The following ARHGEF10 variants were observed in gnomAD, a reference collection of about 807,000 sequenced individuals.
The protein encoded by ARHGEF10 is Rho guanine nucleotide exchange factor (GEF) 10.
A neutral mutation model predicts 147.4 loss-of-function variants in ARHGEF10; 140 were observed. The observed-to-expected ratio is 0.95, with a 90% confidence interval of 0.83 to 1.09. ARHGEF10 has a LOEUF of 1.09. Ranked by LOEUF, ARHGEF10 falls within the 50% of genes least tolerant of loss-of-function variation. ARHGEF10 has a pLI of 0.00. For missense variants in ARHGEF10, 2,222 were observed against 1,752.7 expected, an observed-to-expected ratio of 1.27 and a Z score of -4.78; for synonymous variants, 902 against 695.8, an observed-to-expected ratio of 1.30 and a Z score of -4.67.
At chr8:1,909,868 C>T (rs1398570301) in intron 18 of ARHGEF10, among the ~76,000 whole-genome samples, 2 of 152,166 alleles carry the variant, frequency 1.3e-5, no homozygotes, top group African/African-American at 4.8e-5. Flanking sequence ...TCCAGCTCGG[C>T]TCTTTGCTCA....
Position 1,896,338 on chromosome 8 carries a change from T to G in ARHGEF10, c.1446T>G (p.Ser482=), listed in dbSNP as rs778958747. 7.4e-6 allele frequency: 12 copies of G among 1,612,644 alleles called. No individual in the cohort carries two copies. The highest frequency in any genetic ancestry group is 1.7e-5 in the Admixed American group (1 of 60,006). The stretch of plus-strand genomic sequence containing the variant: ...AATTTCCTCCTGTGTTTCAGTTTTC[T>G]AAGTCCATGGTGCTGGATGCATACA... The part of the protein sequence containing the change: ...MIGDVFVASF[S]KSMVLDAYSE... Residue 482 remains serine (S), a synonymous_variant, in exon 14 of 29, where the codon TCT becomes TCG. Transcript: ENST00000349830.
chr8:1,928,535 C>A lies in ARHGEF10; in HGVS notation c.2806C>A (p.Leu936Met). The change falls in exon 24 of 29, where the codon CTG becomes ATG. Residue 936 changes from leucine (L) to methionine (M), a missense_variant. Transcript: ENST00000349830. ...FNVESRILCM[L>M]YVPVEEKRRE... ...CGTGGAATCTCGCATCCTGTGCATG[C>A]TGTACGTTCCCGTCGAGGAGAAGCG... 6.2e-7 allele frequency: 1 copy of A among 1,614,244 alleles called. No homozygotes were observed. The highest frequency in any genetic ancestry group is 1.6e-4 in the Middle Eastern group (1 of 6,062).
At chr8:1,905,889 G>A (rs953557620) in intron 17 of ARHGEF10, among the ~76,000 whole-genome samples, 173 bp downstream of exon 17, 1 of 152,160 alleles carries the variant, frequency 6.6e-6, no homozygotes, top group Non-Finnish European at 1.5e-5. Context: ...TTTTTAAATA[G>A]ATTCAGTGTA....
rs976456940 is a variant in ARHGEF10 at position 1,937,039 on chromosome 8, C to T, written c.3222+3097C>T. On this transcript the variant is annotated intron_variant, in intron 26 of 28. Transcript: ENST00000349830. This position sits in a 1 kb window ranked among gnomAD's most constrained non-coding sequence, Gnocchi z 4.9. ...ACGCTCTGCCGTGGATCATGAATAGCATTCCCGCGTGAGTCTTTTTTTGAC... is the reference window on the plus strand; with the variant it reads ...ACGCTCTGCCGTGGATCATGAATAGTATTCCCGCGTGAGTCTTTTTTTGAC... Among the ~76,000 whole-genome samples the T allele has an allele frequency of 3.3e-5, 5 of 152,222 alleles. No homozygotes were observed. Among genetic ancestry groups the T allele is most frequent in the Admixed American group, 3.3e-4 (5 of 15,278 alleles).
Position 1,876,691 on chromosome 8 carries a change from A to C in ARHGEF10, c.800A>C (p.Asn267Thr). 6.2e-7 allele frequency: 1 copy of C among 1,614,228 alleles called. No individual in the cohort carries two copies. Among genetic ancestry groups the C allele is most frequent in the Non-Finnish European group, 8.5e-7 (1 of 1,180,042 alleles). The change falls in exon 8 of 29, where the codon AAT (asparagine) becomes ACT (threonine). Residue 267 changes from asparagine to threonine, a missense_variant. Asn to Thr is a moderately conservative substitution (Grantham distance 65). Coordinates refer to ENST00000349830, the MANE Select transcript of ARHGEF10 (RefSeq NM_014629.4). ...YEEQSDSECK[N>T]GIPRSFLRSN... is the part of the protein sequence containing the mutation. ...GAGCAGAGTGACTCGGAGTGCAAGA[A>C]TGGGATTCCCAGGTCCTTCCTGCGC...
chr8:1,847,575 C>A (rs1444201679), intron 2 of ARHGEF10, among the ~76,000 whole-genome samples: 1 of 151,982 alleles, frequency 6.6e-6, no homozygotes, highest in Non-Finnish European at 1.5e-5. Context: ...GGCATCGTCT[C>A]TGGGGGCAGC....
intron 1 of ARHGEF10, among the ~76,000 whole-genome samples, chr8:1,827,751 G>A (rs1182057258): frequency 6.6e-6 from 1 of 152,196 alleles, no homozygotes; most frequent in Non-Finnish European, 1.5e-5. Context: ...TTTGTTAAAT[G>A]ATGTGAAAAA....
rs546594644 is a variant in ARHGEF10 at position 1,848,734 on chromosome 8, C to T, written c.37+5298C>T. Among the ~76,000 whole-genome samples the T allele has an allele frequency of 2.8e-4, 42 of 152,228 alleles. 1 individual carries two copies. Among genetic ancestry groups the T allele is most frequent in the Admixed American group, 2.4e-3 (36 of 15,284 alleles). On this transcript the variant is annotated intron_variant, in intron 2 of 28. Transcript: ENST00000349830. The stretch of plus-strand genomic sequence containing the variant: ...ATACTTCACCTCTGGGAGATTAGTA[C>T]TGTTAAAATTTTATTGAATATTCTT...
chr8:1,894,534 G>T lies in ARHGEF10; in HGVS notation c.1402G>T (p.Asp468Tyr). 6.2e-7 allele frequency: 1 copy of T among 1,614,174 alleles called. No individual in the cohort carries two copies. The highest frequency in any genetic ancestry group is 8.5e-7 in the Non-Finnish European group (1 of 1,180,028). The change falls in exon 13 of 29, where the codon GAC (aspartate) becomes TAC (tyrosine). Residue 468 changes from aspartate to tyrosine, a missense_variant. Physicochemically the swap from Asp to Tyr is radical, Grantham distance 160. Coordinates refer to ENST00000349830, the MANE Select transcript of ARHGEF10 (RefSeq NM_014629.4). ...IALASRVSEW[D>Y]SVEMIGDVFV... The stretch of plus-strand genomic sequence containing the variant: ...GCTGGCCAGCCGCGTTTCCGAGTGG[G>T]ACTCCGTGGAAATGATAGGCGATGT...
In ARHGEF10 at chr8:1,924,186, AGGCGGGC is replaced by A. The variant is rs563442265; in HGVS notation, c.2488+325_2488+331del. On this transcript the variant is annotated intron_variant, in intron 21 of 28. Coordinates refer to ENST00000349830, the MANE Select transcript of ARHGEF10 (RefSeq NM_014629.4). ...AGCCTGGCCGTGAGCCAGGTGCTCA[AGGCGGGC>A]GGCGGGCGGCGGCCTTCAAATGGCA... Among the ~76,000 whole-genome samples, 1,004 of 152,308 alleles carry A rather than the reference AGGCGGGC, an allele frequency of 6.6e-3. 5 individuals are homozygous for A. The highest frequency in any genetic ancestry group is 0.011 in the Non-Finnish European group (736 of 68,012).
Position 1,857,966 on chromosome 8 carries a change from A to G in ARHGEF10, c.44A>G (p.Glu15Gly), listed in dbSNP as rs1805703380. The change falls in exon 3 of 29, where the codon GAA (glutamate) becomes GGA (glycine). Residue 15 changes from glutamate to glycine, a missense_variant. Physicochemically the swap from Glu to Gly is moderately conservative, Grantham distance 98. Transcript: ENST00000349830. The part of the protein sequence containing the change: ...EPLPPAPAEN[E>G]MKYDTNNNEE... ...TTTTGGTTTTTCTTTTTAGAAAATG[A>G]AATGAAATATGATACCAATAATAAT... 6.2e-7 allele frequency: 1 copy of G among 1,613,868 alleles called. No homozygotes were observed. Among genetic ancestry groups the G allele is most frequent in the African/African-American group, 1.3e-5 (1 of 75,000 alleles).
chr8:1,861,201 G>T (rs1806102005), intron 4 of ARHGEF10, among the ~76,000 whole-genome samples: 1 of 152,244 alleles, frequency 6.6e-6, no homozygotes, highest in African/African-American at 2.4e-5. Context: ...TCTAGAAGGG[G>T]CTTGGTTGGT....
intron 26 of ARHGEF10, among the ~76,000 whole-genome samples, chr8:1,935,215 C>A (rs1813480749): frequency 6.6e-6 from 1 of 152,018 alleles, no homozygotes; most frequent in Non-Finnish European, 1.5e-5. Flanking sequence ...ACGCACACCC[C>A]CCACAACCCC....
rs1400226413 is a variant in ARHGEF10, at chr8:1,918,287, G to T, written c.2144-4677G>T. ...CTCAGGTTGCTCTGTGGTGTCATCT[G>T]TGCCCTGAGGTGCCCTATTATGAAC... On this transcript the variant is annotated intron_variant, in intron 18 of 28. Coordinates refer to ENST00000349830, the MANE Select transcript of ARHGEF10 (RefSeq NM_014629.4). Among the ~76,000 whole-genome samples, 4 of 152,240 alleles carry T rather than the reference G, an allele frequency of 2.6e-5. No homozygotes were observed. The Middle Eastern group carries it at 0.01, about 388-fold the overall frequency.
At chr8:1,850,796 C>G (rs951358146) in intron 2 of ARHGEF10, among the ~76,000 whole-genome samples, 2 of 152,130 alleles carry the variant, frequency 1.3e-5, no homozygotes, top group Non-Finnish European at 2.9e-5. Flanking sequence ...CAGAAGCAGC[C>G]ATGATGTCCT....
intron 27 of ARHGEF10, among the ~76,000 whole-genome samples, chr8:1,951,818 A>G (rs561287021): frequency 6.6e-6 from 1 of 152,022 alleles, no homozygotes; most frequent in Non-Finnish European, 1.5e-5. Flanking sequence ...GAATGATGTG[A>G]CAGTCCAGAC....
At chr8:1,894,751 A>G (rs1176925860) in intron 13 of ARHGEF10, among the ~76,000 whole-genome samples, 179 bp downstream of exon 13, 1 of 152,198 alleles carries the variant, frequency 6.6e-6, no homozygotes, top group Non-Finnish European at 1.5e-5. Flanking sequence ...GGAAATGATA[A>G]ATGGATCTTT....
chr8:1,888,014 T>C (rs1380174702), intron 11 of ARHGEF10, among the ~76,000 whole-genome samples: 2 of 146,434 alleles, frequency 1.4e-5, no homozygotes, highest in Admixed American at 1.4e-4. Flanking sequence ...GGGTGAGCTT[T>C]GTTAGGAGGC....
chr8:1,836,189 A>G (rs75723589), intron 1 of ARHGEF10, among the ~76,000 whole-genome samples: 13,913 of 151,698 alleles, frequency 0.092, 844 homozygotes, highest in East Asian at 0.17. Context: ...ATGGAAAAAA[A>G]AAAAAGAAAA....
Sources: gnomAD v4.1 joint callset for allele counts (sites outside exome capture counted in the v4.1 genomes callset) on GRCh38, gnomAD v4.1.1 for gene constraint, Gnocchi (gnomAD v3.1) non-coding constraint, MANE v1.5 for transcripts, NCBI Gene and HGNC (gene_info 2026-07-23, HGNC 2026-07-21) for gene names.